Variants in NAA15 observed in about 807,000 individuals in gnomAD.
NAA15 encodes the protein N-alpha-acetyltransferase 15, NatA auxiliary subunit, also known as N-terminal acetyltransferase.
NAA15 carries 34 observed loss-of-function variants against 114.0 expected under a neutral mutation model. The observed-to-expected ratio is 0.30, with a 90% CI of 0.23 to 0.40. The LOEUF (loss-of-function observed/expected upper bound fraction) is 0.40, where lower values mean the gene tolerates loss of function less well. Among genes scored for constraint, NAA15 ranks in the 10% least tolerant of loss-of-function variants. NAA15 has a pLI of 1.00. For missense variants in NAA15, 658 were observed against 1,004.5 expected, an observed-to-expected ratio of 0.66 and a Z score of 4.66; for synonymous variants, 340 against 338.0, an observed-to-expected ratio of 1.01 and a Z score of -0.06.
rs201066191 is a variant in NAA15 at position 139,369,467 on chromosome 4, C to T, written c.1754-744C>T. On this transcript the variant is annotated intron_variant, in intron 14 of 19. Transcript: ENST00000296543. ...TTAAAAGGCTAGGTACTGCTGGGTGCGGTGACTCACGCCTGTAATCCCAGC... is the reference window on the plus strand; with the variant it reads ...TTAAAAGGCTAGGTACTGCTGGGTGTGGTGACTCACGCCTGTAATCCCAGC... Among the ~76,000 whole-genome samples, 7 of 152,148 alleles carry T rather than the reference C, an allele frequency of 4.6e-5. No individual in the cohort carries two copies. In the East Asian group the frequency reaches 1.2e-3, roughly 25 times the overall value.
intron 15 of NAA15, among the ~76,000 whole-genome samples, chr4:139,373,073 G>A (rs576534150): frequency 6.6e-6 from 1 of 152,148 alleles, no homozygotes; most frequent in South Asian, 2.1e-4. Flanking sequence ...ATGGCAATGG[G>A]ATTCTACCAT....
At chr4:139,329,449 G>A (rs1327904052) in intron 1 of NAA15, among the ~76,000 whole-genome samples, 1 of 152,108 alleles carries the variant, frequency 6.6e-6, no homozygotes, top group Non-Finnish European at 1.5e-5. Context: ...TTAAAGAGTG[G>A]TGTTGGACTT....
At chr4:139,373,443 G>A (rs1291813893) in intron 15 of NAA15, among the ~76,000 whole-genome samples, 1 of 152,076 alleles carries the variant, frequency 6.6e-6, no homozygotes, top group Non-Finnish European at 1.5e-5. Flanking sequence ...TCATTATGTA[G>A]CACATGACTA....
intron 1 of NAA15, among the ~76,000 whole-genome samples, chr4:139,316,226 A>T (rs1489643895): frequency 2.0e-5 from 3 of 151,868 alleles, no homozygotes; most frequent in Non-Finnish European, 2.9e-5. Flanking sequence ...ATTGTTTCCT[A>T]TATCCTTGAT....
At chr4:139,337,977 G>T (rs910234595) in intron 3 of NAA15, among the ~76,000 whole-genome samples, 35 of 152,224 alleles carry the variant, frequency 2.3e-4, no homozygotes, top group Non-Finnish European at 4.7e-4. Flanking sequence ...GTCATAGATA[G>T]ATGTCTTTCC....
At chr4:139,372,738 T>C (rs1374639134) in intron 15 of NAA15, among the ~76,000 whole-genome samples, 1 of 131,438 alleles carries the variant, frequency 7.6e-6, no homozygotes, top group African/African-American at 2.9e-5. Context: ...CAACCCCCCC[T>C]TTTTTTGGTG....
chr4:139,301,857 G>C, intron 1 of NAA15, 26 bp downstream of exon 1: 5 of 1,577,430 alleles, frequency 3.2e-6, no homozygotes, highest in Non-Finnish European at 4.3e-6. Context: ...CGGGCAAGCG[G>C]TGGGGAGGAT....
At chr4:139,302,078 C>T (rs553888800) in intron 1 of NAA15, 12 of 406,348 alleles carry the variant, frequency 3.0e-5, no homozygotes, top group South Asian at 1.4e-4. Flanking sequence ...TAGGCCCCGA[C>T]CTCCCGGCTT....
At chr4:139,353,998 A>C (rs780795107) in intron 9 of NAA15, 28 bp from the exon 10 acceptor site, 4 of 1,569,558 alleles carry the variant, frequency 2.5e-6, no homozygotes, top group Non-Finnish European at 3.5e-6. Flanking sequence ...TTTTTCTATT[A>C]AAGTGTGTTT....
intron 1 of NAA15, among the ~76,000 whole-genome samples, chr4:139,313,021 A>G (rs1033512140): frequency 6.6e-6 from 1 of 151,912 alleles, no homozygotes; most frequent in African/African-American, 2.4e-5. Flanking sequence ...AAATAATATT[A>G]TTTGAAGCCA....
intron 4 of NAA15, 74 bp downstream of exon 4, chr4:139,341,143 T>G (rs1355367917): frequency 1.9e-6 from 2 of 1,063,994 alleles, no homozygotes; most frequent in African/African-American, 3.3e-5. Flanking sequence ...TTCAGATACA[T>G]AAATTTTTTA....
intron 1 of NAA15, among the ~76,000 whole-genome samples, chr4:139,307,551 G>C (rs1024914362): frequency 2.0e-5 from 3 of 152,228 alleles, no homozygotes; most frequent in Non-Finnish European, 2.9e-5. Flanking sequence ...ACAGATGTGA[G>C]CTACTGTGCC....
chr4:139,315,010 G>GTTTAGTTTAGGTTAGTTTAGGTTAA (rs57588273), intron 1 of NAA15, among the ~76,000 whole-genome samples: 1 of 101,180 alleles, frequency 9.9e-6, no homozygotes, highest in Non-Finnish European at 2.1e-5. Flanking sequence ...GTTTAGTTTA[G>GTTTAGTTTAGGTTAGTTTAGGTTAA]GTTAGGTTAG....
rs773099008 is a variant in NAA15 at position 139,378,858 on chromosome 4, T to C, written c.2155+4T>C. 1.3e-6 allele frequency: 2 copies of C among 1,532,072 alleles called. No individual in the cohort carries two copies. The highest frequency in any genetic ancestry group is 1.4e-5 in the African/African-American group (1 of 69,558). 94.9% of individuals were successfully genotyped at this position (1,532,072 alleles called of 1,614,324 possible). Reference sequence around the variant, plus strand: ...ATGATTCGTCTCTTTAATACTGGTATGTTTTTGTTTTCCATTACTTAAGTA... The same window carrying C: ...ATGATTCGTCTCTTTAATACTGGTACGTTTTTGTTTTCCATTACTTAAGTA... On this transcript the variant is annotated splice_donor_region_variant and intron_variant, in intron 17 of 19. Coordinates refer to ENST00000296543, the MANE Select transcript of NAA15 (RefSeq NM_057175.5).
chr4:139,305,680 G>A (rs1425329857), intron 1 of NAA15, among the ~76,000 whole-genome samples: 2 of 151,856 alleles, frequency 1.3e-5, no homozygotes, highest in Admixed American at 6.6e-5. Flanking sequence ...GATTACAGGC[G>A]TGTGCCACCA....
In NAA15 at chr4:139,301,685, G is replaced by A. The variant is rs3749516; in HGVS notation, c.-93G>A. ...GGTGGCGGCGGATCGAGATATTCAA[G>A]GCTGAAGCAGCTACGGAACGGCAGC... On this transcript the variant is annotated 5_prime_UTR_variant, in exon 1 of 20. Coordinates refer to ENST00000296543, the MANE Select transcript of NAA15 (RefSeq NM_057175.5). 7,883 of 1,440,468 alleles carry A rather than the reference G, an allele frequency of 5.5e-3. 221 individuals are homozygous for A. In the East Asian group the frequency reaches 0.076, roughly 14 times the overall value. 89.2% of individuals were successfully genotyped at this position (1,440,468 alleles called of 1,614,324 possible).
chr4:139,341,182 T>C, intron 4 of NAA15, 113 bp downstream of exon 4: 2 of 745,132 alleles, frequency 2.7e-6, no homozygotes, highest in Non-Finnish European at 3.9e-6. Flanking sequence ...TTAATTGAAT[T>C]TTTTTTTCCT....
chr4:139,348,381 C>T (rs918158006), intron 6 of NAA15, among the ~76,000 whole-genome samples: 2 of 148,110 alleles, frequency 1.4e-5, no homozygotes, highest in African/African-American at 2.5e-5. Flanking sequence ...TTTAGGAGGT[C>T]GAGGCTGCAG....
At chr4:139,358,374 T>C (rs1748030968) in intron 11 of NAA15, among the ~76,000 whole-genome samples, 1 of 151,968 alleles carries the variant, frequency 6.6e-6, no homozygotes, top group South Asian at 2.1e-4. Context: ...TTTTGTATTA[T>C]TTGTAGAGAT....
Sources: allele counts gnomAD v4.1 joint callset (sites outside exome capture counted in the v4.1 genomes callset), GRCh38; gene constraint gnomAD v4.1.1; transcripts MANE v1.5; gene names NCBI Gene and HGNC (gene_info 2026-07-23, HGNC 2026-07-21).